RECQL: variants seen among roughly 807,000 people sequenced by gnomAD.
RECQL encodes ATP-dependent DNA helicase Q1.
A neutral mutation model predicts 75.8 loss-of-function variants in RECQL; 73 were observed. That is an observed-to-expected ratio of 0.96 (90% CI 0.80 to 1.17). The LOEUF (loss-of-function observed/expected upper bound fraction) is 1.17, where lower values mean the gene tolerates loss of function less well. Ranked by LOEUF, RECQL falls within the 50% of genes most tolerant of loss-of-function variation. RECQL has a pLI of 0.00. For missense variants in RECQL, 699 were observed against 772.1 expected, an observed-to-expected ratio of 0.91 and a Z score of 1.12; for synonymous variants, 248 against 254.4, an observed-to-expected ratio of 0.97 and a Z score of 0.24.
Position 21,477,922 on chromosome 12 carries a change from G to T in RECQL, c.748C>A (p.Leu250Ile). The stretch of plus-strand genomic sequence containing the variant: ...GTTGCAGTTGCAGTCAGCCCAATTA[G>T]TGATGCGTTAGGGAACTGCCGCTTT... ...ILKRQFPNAS[L>I]IGLTATATNH... Residue 250 changes from leucine to isoleucine, a missense_variant, in exon 7 of 15, where the codon CTA becomes ATA. Leu to Ile is a conservative substitution (Grantham distance 5). This residue lies in a region of RECQL where 669 missense variants were observed against 713.5 expected (regional missense o/e 0.94). Transcript: ENST00000444129. 6.2e-7 allele frequency: 1 copy of T among 1,613,744 alleles called. No homozygotes were observed. The highest frequency in any genetic ancestry group is 8.5e-7 in the Non-Finnish European group (1 of 1,179,834).
At chr12:21,484,797 G>C (rs538906230) in intron 5 of RECQL, among the ~76,000 whole-genome samples, 1 of 151,370 alleles carries the variant, frequency 6.6e-6, no homozygotes, top group Non-Finnish European at 1.5e-5. Flanking sequence ...CATATTATAC[G>C]TCAAAGCTTG....
Position 21,473,559 on chromosome 12 carries a change from T to C in RECQL, c.1439A>G (p.Lys480Arg). Residue 480 changes from lysine to arginine, a missense_variant, in exon 12 of 15, where the codon AAA becomes AGA. By Grantham distance (26) the Lys-to-Arg change is conservative. Around this residue, in one of 2 missense-constraint regions of RECQL, gnomAD observed 669 missense variants for 713.5 expected, o/e 0.94. Coordinates refer to ENST00000444129, the MANE Select transcript of RECQL (RefSeq NM_002907.4). ...ACNKMCDNCC[K>R]DSAFERKNIT... ...CAAAACAACAAACTCACCACTGTCT[T>C]TACAGCAGTTATCGCACATTTTGTT... 1 of 1,612,064 alleles carries C rather than the reference T, an allele frequency of 6.2e-7. No individual in the cohort carries two copies. The highest frequency in any genetic ancestry group is 1.1e-5 in the South Asian group (1 of 91,010).
At position 21,491,605 on chromosome 12, in the gene RECQL, G is replaced by T. The variant is rs1220432820; in HGVS notation, c.128C>A (p.Thr43Lys). 1.2e-6 allele frequency: 2 copies of T among 1,611,346 alleles called. No individual in the cohort carries two copies. Among genetic ancestry groups the T allele is most frequent in the Non-Finnish European group, 8.5e-7 (1 of 1,179,406 alleles). ...CTCTAAACACTGCTTTATTTTCTTT[G>T]TCAGGACTTTTTTTTTCTGAATAAG... is the stretch of plus-strand genomic sequence containing the variant. ...QELIQKKKVL[T>K]KKIKQCLEDS... is the part of the protein sequence containing the mutation. Residue 43 changes from threonine to lysine, a missense_variant, in exon 3 of 15, where the codon ACA becomes AAA. By Grantham distance (78) the Thr-to-Lys change is moderately conservative. This residue lies in a region of RECQL where 669 missense variants were observed against 713.5 expected (regional missense o/e 0.94). Transcript: ENST00000444129.
In RECQL at chr12:21,486,559, T is replaced by A. The variant is rs755644894; in HGVS notation, c.421A>T (p.Ile141Phe). The part of the protein sequence containing the change: ...DGFTLVICPL[I>F]SLMEDQLMVL... ...ATTAATTGGTCTTCCATAAGAGAGA[T>A]CAATGGGCAAATGACGAGTGTAAAA... Residue 141 changes from isoleucine to phenylalanine, a missense_variant, in exon 5 of 15, where the codon ATC becomes TTC. Coordinates refer to ENST00000444129, the MANE Select transcript of RECQL (RefSeq NM_002907.4). The A allele has an allele frequency of 1.6e-5, 24 of 1,542,640 alleles. No homozygotes were observed. In the South Asian group the frequency reaches 2.7e-4, roughly 17 times the overall value.
chr12:21,471,427 C>G lies in RECQL; in HGVS notation c.1667+1G>C, dbSNP rs763090896. On this transcript the variant is annotated splice_donor_variant, in intron 13 of 14. Coordinates refer to ENST00000444129, the MANE Select transcript of RECQL (RefSeq NM_002907.4). LOFTEE classifies it high-confidence loss of function. ...AGAATAATGAATGAGTTTGTACATA[C>G]TTAAGATACTGCTGTATTAGAAAGT... 1.2e-6 allele frequency: 2 copies of G among 1,608,902 alleles called. No individual in the cohort carries two copies. The highest frequency in any genetic ancestry group is 1.7e-6 in the Non-Finnish European group (2 of 1,176,300).
At chr12:21,494,040 G>A (rs1221911483) in intron 2 of RECQL, among the ~76,000 whole-genome samples, 2 of 152,164 alleles carry the variant, frequency 1.3e-5, no homozygotes, top group East Asian at 1.9e-4. Flanking sequence ...GGAGCATAGC[G>A]CTGGCATCTG....
chr12:21,499,261 G>C (rs1164324285), intron 2 of RECQL, among the ~76,000 whole-genome samples: 1 of 152,182 alleles, frequency 6.6e-6, no homozygotes, highest in Non-Finnish European at 1.5e-5. Flanking sequence ...TAGGAGAAGA[G>C]AAGTAATGGA....
intron 11 of RECQL, among the ~76,000 whole-genome samples, chr12:21,474,005 G>A (rs548288568): frequency 6.6e-6 from 1 of 152,130 alleles, no homozygotes; most frequent in African/African-American, 2.4e-5. Context: ...ATCTTTGGGG[G>A]GCCATTGTGC....
chr12:21,480,831 A>G (rs561595800), intron 6 of RECQL, among the ~76,000 whole-genome samples: 61 of 152,320 alleles, frequency 4.0e-4, no homozygotes, highest in African/African-American at 1.3e-3. Context: ...AGACTCCAGC[A>G]CCAGGGAGCT....
chr12:21,489,328 A>G (rs959808956), intron 4 of RECQL, among the ~76,000 whole-genome samples: 8 of 152,294 alleles, frequency 5.3e-5, no homozygotes, highest in Non-Finnish European at 1.0e-4. Flanking sequence ...CCACAAGCCT[A>G]TATTATTTAC....
chr12:21,473,475 T>C (rs1167612055), intron 12 of RECQL, 76 bp downstream of exon 12: 8 of 1,110,460 alleles, frequency 7.2e-6, no homozygotes, highest in East Asian at 2.5e-5. Flanking sequence ...TAGTGATGCA[T>C]TTCTCAGAAC....
At chr12:21,481,034 C>T (rs1285220276) in intron 6 of RECQL, among the ~76,000 whole-genome samples, 1 of 152,052 alleles carries the variant, frequency 6.6e-6, no homozygotes, top group Non-Finnish European at 1.5e-5. Flanking sequence ...CTAAAAAATT[C>T]TCTCTGTTCA....
chr12:21,474,014 G>A (rs979465755), intron 11 of RECQL, among the ~76,000 whole-genome samples: 2 of 152,062 alleles, frequency 1.3e-5, no homozygotes, highest in Non-Finnish European at 2.9e-5. Context: ...GGGCCATTGT[G>A]CCCCCGACAT....
At chr12:21,480,333 A>T (rs1943169073) in intron 6 of RECQL, among the ~76,000 whole-genome samples, 1 of 152,126 alleles carries the variant, frequency 6.6e-6, no homozygotes. Context: ...AAAGTGTAAG[A>T]ACGGAATCAA....
rs752343178 is a variant in RECQL, at chr12:21,471,558, A to G, written c.1537T>C (p.Leu513=). 2.5e-6 allele frequency: 4 copies of G among 1,612,706 alleles called. No individual in the cohort carries two copies. Among genetic ancestry groups the G allele is most frequent in the East Asian group, 2.2e-5 (1 of 44,870 alleles). The part of the protein sequence containing the change: ...AEELNEKLTP[L]KLIDSWMGKG... ...CCCATCCAAGAATCAATCAGTTTCA[A>G]TGGAGTGAGTTTTTCATTCAGTTCC... is the stretch of plus-strand genomic sequence containing the variant. Residue 513 remains leucine (L), a synonymous_variant, in exon 13 of 15, where the codon TTG becomes CTG. Coordinates refer to ENST00000444129, the MANE Select transcript of RECQL (RefSeq NM_002907.4).
chr12:21,475,963 C>T, intron 8 of RECQL, 139 bp from the exon 9 acceptor site: 1 of 650,492 alleles, frequency 1.5e-6, no homozygotes, highest in Non-Finnish European at 2.5e-6. Context: ...AGGCCTTGTG[C>T]ATATATTGAC....
At chr12:21,483,239 G>C in intron 6 of RECQL, 137 bp downstream of exon 6, 1 of 695,920 alleles carries the variant, frequency 1.4e-6, no homozygotes, top group East Asian at 3.1e-5. Flanking sequence ...TTTTGGTTCC[G>C]AACATTCTGG....
chr12:21,473,616 T>C lies in RECQL; in HGVS notation c.1382A>G (p.His461Arg), dbSNP rs201573409. The change falls in exon 12 of 15, where the codon CAT becomes CGT. Residue 461 changes from histidine (H) to arginine (R), a missense_variant. By Grantham distance (29) the His-to-Arg change is conservative (BLOSUM62 0). Transcript: ENST00000444129. ...TTCTGAGTTCCATACTTCATCAAAA[T>C]GTTGAGCCATCAACACACGACGACA... is the stretch of plus-strand genomic sequence containing the variant. Reference protein sequence around the residue: ...SKCRRVLMAQHFDEVWNSEAC... With the variant: ...SKCRRVLMAQRFDEVWNSEAC... 167 of 1,612,906 alleles carry C rather than the reference T, an allele frequency of 1.0e-4. No homozygotes were observed. The East Asian group carries it at 3.5e-3, about 34-fold the overall frequency.
intron 11 of RECQL, 141 bp from the exon 12 acceptor site, chr12:21,473,783 CATTT>C: frequency 1.5e-6 from 1 of 650,136 alleles, no homozygotes; most frequent in Non-Finnish European, 2.6e-6. Context: ...GCTTTAAACA[CATTT>C]ATTCTTACAT....
Sources: gnomAD v4.1 joint callset for allele counts (sites outside exome capture counted in the v4.1 genomes callset) on GRCh38, gnomAD v4.1.1 for gene constraint, gnomAD v4.1.1 regional missense constraint, MANE v1.5 for transcripts, NCBI Gene and HGNC (gene_info 2026-07-23, HGNC 2026-07-21) for gene names.